The following THG1L variants were observed in gnomAD, a reference collection of about 807,000 sequenced individuals.
The protein encoded by THG1L is tRNA-histidine guanylyltransferase 1 like, also known as probable tRNA(His) guanylyltransferase.
THG1L carries 27 observed loss-of-function variants against 35.2 expected under a neutral mutation model. The ratio of observed to expected loss-of-function variants is 0.77; its 90% CI spans 0.57 to 1.06. The LOEUF is 1.06. THG1L is among the 50% of genes least tolerant of loss of function. The pLI is 0.00. For synonymous variants in THG1L, 135 were observed against 132.4 expected, an observed-to-expected ratio of 1.02 and a Z score of -0.14; for missense variants, 377 against 371.8, an observed-to-expected ratio of 1.01 and a Z score of -0.12.
chr5:157,736,850 A>G (rs1213613698), intron 4 of THG1L, among the ~76,000 whole-genome samples: 1 of 152,252 alleles, frequency 6.6e-6, no homozygotes, highest in Non-Finnish European at 1.5e-5. Context: ...TATGAAGCAC[A>G]TTGTAAGTGC....
At chr5:157,734,506 T>G (rs1760815410) in intron 2 of THG1L, 70 bp from the exon 3 acceptor site, 4 of 1,573,498 alleles carry the variant, frequency 2.5e-6, no homozygotes, top group Non-Finnish European at 3.5e-6. Flanking sequence ...ACAGGTCTTA[T>G]CATGGTGTTG....
chr5:157,735,984 G>C, intron 4 of THG1L, 50 bp downstream of exon 4: 1 of 1,257,554 alleles, frequency 8.0e-7, no homozygotes, highest in Non-Finnish European at 1.1e-6. Flanking sequence ...GTTCGCTGTA[G>C]GCTCTCCCAT....
At position 157,731,507 on chromosome 5, in the gene THG1L, T is replaced by C. The variant is rs1760714624; in HGVS notation, c.67T>C (p.Tyr23His). 2 of 1,612,946 alleles carry C rather than the reference T, an allele frequency of 1.2e-6. No homozygotes were observed. Among genetic ancestry groups the C allele is most frequent in the Non-Finnish European group, 1.7e-6 (2 of 1,179,508 alleles). Residue 23 changes from tyrosine (Y) to histidine (H), a missense_variant, in exon 1 of 6, where the codon TAC becomes CAC. Transcript: ENST00000231198. ...LATISITLRRYLRLGATMAKS... is the reference protein window; with the variant it reads ...LATISITLRRHLRLGATMAKS... ...CACCATTTCCATCACTCTGAGACGG[T>C]ACCTGAGATTGGGGGCGACCATGGC...
rs545259368 is a variant in THG1L at position 157,741,226 on chromosome 5, C to G, written c.*1744C>G. ...CTTAAAAAAAAAAATTAAGAGACAG[C>G]CCGTGTCCCAGTCCCTCGTCTTGCA... On this transcript the variant is annotated 3_prime_UTR_variant, in exon 6 of 6. Transcript: ENST00000231198. 5 of 152,252 alleles carry G rather than the reference C, an allele frequency of 3.3e-5. No homozygotes were observed. Among genetic ancestry groups the G allele is most frequent in the African/African-American group, 9.6e-5 (4 of 41,532 alleles). The allele number at this position is 152,252 out of a possible 1,614,324, so 9.4% of individuals were successfully genotyped here. A position where few individuals can be genotyped will look rare whatever the true frequency, so the allele number is the denominator to read the frequency against.
intron 2 of THG1L, among the ~76,000 whole-genome samples, 180 bp downstream of exon 2, chr5:157,733,224 T>C (rs1297789569): frequency 6.6e-6 from 1 of 152,210 alleles, no homozygotes; most frequent in East Asian, 1.9e-4. Context: ...GCATTCTGTG[T>C]GCCTCTTTTA....
In THG1L at chr5:157,735,860, C is replaced by A. The variant is rs1377822180; in HGVS notation, c.553C>A (p.Leu185Ile). The change falls in exon 4 of 6, where the codon CTT (leucine) becomes ATT (isoleucine). Residue 185 changes from leucine to isoleucine, a missense_variant. Leu to Ile is a conservative substitution (Grantham distance 5). Transcript: ENST00000231198. ...WRQADCHINNLYNTVFWALIQ... is the reference protein window; with the variant it reads ...WRQADCHINNIYNTVFWALIQ... ...TCTCCTCACAGGTCACATCAATAAT[C>A]TTTATAATACAGTTTTCTGGGCACT... is the stretch of plus-strand genomic sequence containing the variant. 1 of 1,601,804 alleles carries A rather than the reference C, an allele frequency of 6.2e-7. No homozygotes were observed. Among genetic ancestry groups the A allele is most frequent in the Non-Finnish European group, 8.5e-7 (1 of 1,174,952 alleles).
intron 1 of THG1L, among the ~76,000 whole-genome samples, chr5:157,732,116 C>A (rs374439462): frequency 1.3e-5 from 2 of 148,170 alleles, no homozygotes; most frequent in Non-Finnish European, 3.0e-5. Flanking sequence ...AGGCTGGGCG[C>A]GGGAGGCAGG....
rs1760977059 is a variant in THG1L, at chr5:157,739,429, A to G, written c.844A>G (p.Ile282Val). ...TKPVPLHCDI[I>V]GDAFWKEHPE... ...GCCAGTGCCCTTGCACTGCGATATC[A>G]TCGGGGATGCTTTCTGGAAGGAACA... Residue 282 changes from isoleucine (I) to valine (V), a missense_variant, in exon 6 of 6, where the codon ATC (isoleucine) becomes GTC (valine). Transcript: ENST00000231198. 5 of 1,613,610 alleles carry G rather than the reference A, an allele frequency of 3.1e-6. No individual in the cohort carries two copies. The highest frequency in any genetic ancestry group is 1.3e-5 in the African/African-American group (1 of 74,924).
At chr5:157,734,349 T>C (rs1454066906) in intron 2 of THG1L, among the ~76,000 whole-genome samples, 1 of 151,978 alleles carries the variant, frequency 6.6e-6, no homozygotes, top group Non-Finnish European at 1.5e-5. Flanking sequence ...GATGGTGCCA[T>C]TGCACTCCAG....
chr5:157,734,117 A>G (rs1760803642), intron 2 of THG1L, among the ~76,000 whole-genome samples: 1 of 151,734 alleles, frequency 6.6e-6, no homozygotes, highest in Non-Finnish European at 1.5e-5. Flanking sequence ...GCCAGGTGTG[A>G]TGACTCACGC....
At position 157,740,739 on chromosome 5, in the gene THG1L, C is replaced by A. The variant is rs1457539971; in HGVS notation, c.*1257C>A. On this transcript the variant is annotated 3_prime_UTR_variant, in exon 6 of 6. Transcript: ENST00000231198. ...CAACGTGGAGAAACCCCCGTCTCTA[C>A]TAAAAATACAAAAAATTAGCTGGGC... The A allele has an allele frequency of 6.6e-6, 1 of 151,964 alleles. No individual in the cohort carries two copies. The highest frequency in any genetic ancestry group is 1.5e-5 in the Non-Finnish European group (1 of 68,036). The allele number at this position is 151,964 out of a possible 1,614,324, so 9.4% of individuals were successfully genotyped here. A position where few individuals can be genotyped will look rare whatever the true frequency, so the allele number is the denominator to read the frequency against.
At chr5:157,734,260 C>A (rs1760807770) in intron 2 of THG1L, among the ~76,000 whole-genome samples, 1 of 152,006 alleles carries the variant, frequency 6.6e-6, no homozygotes, top group Non-Finnish European at 1.5e-5. Context: ...TAGTGGCCTG[C>A]ACCTGTAATC....
At chr5:157,738,604 G>A (rs1188009895) in intron 5 of THG1L, 2 of 353,516 alleles carry the variant, frequency 5.7e-6, no homozygotes, top group South Asian at 2.1e-5. Context: ...TTTTTTTTCT[G>A]AAATGAATGT....
chr5:157,731,809 C>T (rs888606609), intron 1 of THG1L, among the ~76,000 whole-genome samples, 178 bp downstream of exon 1: 1 of 152,234 alleles, frequency 6.6e-6, no homozygotes, highest in East Asian at 1.9e-4. Flanking sequence ...AGTGCCTGAA[C>T]GCTGGCTGTT....
intron 5 of THG1L, chr5:157,738,824 C>CTT (rs33954159): frequency 0.027 from 4,466 of 162,930 alleles, 170 homozygotes; most frequent in African/African-American, 0.095. Flanking sequence ...ATAGTATAAC[C>CTT]TTTTTTTTTT....
intron 4 of THG1L, 106 bp downstream of exon 4, chr5:157,736,040 GT>G (rs965988950): frequency 1.6e-5 from 12 of 731,858 alleles, no homozygotes; most frequent in African/African-American, 9.4e-5. Context: ...TAAGATCCCT[GT>G]ACAGCTTTGT....
intron 3 of THG1L, 108 bp downstream of exon 3, chr5:157,734,853 T>C (rs1760830554): frequency 1.4e-5 from 17 of 1,177,512 alleles, no homozygotes; most frequent in Non-Finnish European, 2.0e-5. Flanking sequence ...AACATATACG[T>C]TGTACAGAAT....
chr5:157,733,135 A>T, intron 2 of THG1L, 91 bp downstream of exon 2: 1 of 1,463,678 alleles, frequency 6.8e-7, no homozygotes, highest in African/African-American at 1.4e-5. Flanking sequence ...CAGGCTACAG[A>T]TGATGTCTGC....
At chr5:157,731,697 TGCAAG>T in intron 1 of THG1L, 66 bp downstream of exon 1, 1 of 1,527,936 alleles carries the variant, frequency 6.5e-7, no homozygotes, top group East Asian at 2.3e-5. Flanking sequence ...CTTCTTCCCT[TGCAAG>T]TCCTCCCGCC....
Sources: allele counts gnomAD v4.1 joint callset (sites outside exome capture counted in the v4.1 genomes callset), GRCh38; gene constraint gnomAD v4.1.1; transcripts MANE v1.5; gene names NCBI Gene and HGNC (gene_info 2026-07-23, HGNC 2026-07-21).